The following SLC23A2 variants were observed in gnomAD, a reference collection of about 807,000 sequenced individuals.
SLC23A2 encodes the protein solute carrier family 23 member 2, also known as Na(+)/L-ascorbic acid transporter 2.
In SLC23A2, 36 loss-of-function variants were observed where a neutral mutation model predicts 73.3. That is an observed-to-expected ratio of 0.49 (90% CI 0.38 to 0.65). SLC23A2 has a LOEUF of 0.65. SLC23A2 is among the 30% of genes least tolerant of loss of function. The pLI, the probability that SLC23A2 is intolerant of heterozygous loss-of-function variation, is 0.00. For missense variants in SLC23A2, 507 were observed against 841.6 expected (o/e 0.60, Z 4.92); for synonymous variants, 343 against 327.3 (o/e 1.05, Z -0.52).
intron 7 of SLC23A2, 50 bp from the exon 8 acceptor site, chr20:4,884,873 T>A: frequency 1.9e-6 from 2 of 1,032,174 alleles, no homozygotes; most frequent in Non-Finnish European, 2.9e-6. Context: ...ATGTCTCACA[T>A]GACATATTCA....
chr20:5,003,815 G>A (rs903495595), upstream of SLC23A2, among the ~76,000 whole-genome samples: 1 of 152,024 alleles, frequency 6.6e-6, no homozygotes, highest in African/African-American at 2.4e-5. Flanking sequence ...TGTTTTATCA[G>A]ATGTCATCTG....
chr20:4,914,864 AC>A (rs1932270025), intron 3 of SLC23A2, among the ~76,000 whole-genome samples: 1 of 152,128 alleles, frequency 6.6e-6, no homozygotes, highest in Non-Finnish European at 1.5e-5. Context: ...ACACAGTGAA[AC>A]CCCGTCTCTA....
chr20:4,926,153 T>G (rs1207950463), intron 3 of SLC23A2, among the ~76,000 whole-genome samples: 1 of 152,182 alleles, frequency 6.6e-6, no homozygotes, highest in African/African-American at 2.4e-5. Flanking sequence ...TTTCTCCCAC[T>G]CTCTGGTAAG....
rs1484015026 is a variant in SLC23A2 at position 4,961,348 on chromosome 20, C to G, written c.-155+9445G>C. On this transcript the variant is annotated intron_variant, in intron 2 of 16. Coordinates refer to ENST00000338244, the MANE Select transcript of SLC23A2 (RefSeq NM_005116.6). Reference sequence around the variant, plus strand: ...CCGCCCACCTTGGCCTCCCAAAGTGCTGGGATTACAGGCGTGAGCCACCAC... The same window carrying G: ...CCGCCCACCTTGGCCTCCCAAAGTGGTGGGATTACAGGCGTGAGCCACCAC... 2.6e-5 allele frequency among the ~76,000 whole-genome samples: 4 copies of G among 152,006 alleles called. No individual in the cohort carries two copies. In the East Asian group the frequency reaches 7.7e-4, roughly 29 times the overall value.
intron 9 of SLC23A2, among the ~76,000 whole-genome samples, chr20:4,882,458 G>GA (rs11462307): frequency 0.26 from 39,046 of 147,552 alleles, 5,201 homozygotes; most frequent in Middle Eastern, 0.31. Flanking sequence ...CTTGTTTAAA[G>GA]AAAAAAAAAA....
intron 1 of SLC23A2, among the ~76,000 whole-genome samples, chr20:5,008,394 A>G (rs917834729): frequency 1.3e-5 from 2 of 152,118 alleles, no homozygotes; most frequent in South Asian, 2.1e-4. Context: ...ACACAAAAGC[A>G]CACTGGTGGG....
At chr20:4,939,738 G>A (rs1168203227) in intron 2 of SLC23A2, among the ~76,000 whole-genome samples, 5 of 152,142 alleles carry the variant, frequency 3.3e-5, no homozygotes, top group South Asian at 2.1e-4. Flanking sequence ...GCCCATGCCT[G>A]ACAATAATAG....
At chr20:5,001,945 A>T (rs1193608266), upstream of SLC23A2, among the ~76,000 whole-genome samples, 1 of 151,934 alleles carries the variant, frequency 6.6e-6, no homozygotes, top group Non-Finnish European at 1.5e-5. Flanking sequence ...CCGCTTCTCC[A>T]CTTAGGTAGC....
intron 13 of SLC23A2, among the ~76,000 whole-genome samples, chr20:4,864,051 G>T (rs1316788466): frequency 2.0e-5 from 3 of 152,144 alleles, no homozygotes; most frequent in Non-Finnish European, 4.4e-5. Flanking sequence ...GGTGGTGCTG[G>T]CATCAGGCTC....
At chr20:4,925,230 T>A (rs925055360) in intron 3 of SLC23A2, among the ~76,000 whole-genome samples, 1 of 151,986 alleles carries the variant, frequency 6.6e-6, no homozygotes, top group African/African-American at 2.4e-5. Flanking sequence ...GTCTGTCTGT[T>A]CATTGCTGTT....
chr20:4,896,773 G>A (rs535172403), intron 6 of SLC23A2, among the ~76,000 whole-genome samples: 20 of 152,284 alleles, frequency 1.3e-4, no homozygotes, highest in Middle Eastern at 6.8e-3. Context: ...ACCAAGTAAC[G>A]TCCTTCAAGG....
intron 2 of SLC23A2, among the ~76,000 whole-genome samples, chr20:4,949,988 T>A (rs922895397): frequency 6.6e-6 from 1 of 152,204 alleles, no homozygotes; most frequent in Admixed American, 6.5e-5. Context: ...AATTTCAGCT[T>A]TTATAACCCA....
At chr20:4,975,105 C>A (rs1391449367) in intron 1 of SLC23A2, among the ~76,000 whole-genome samples, 1 of 151,916 alleles carries the variant, frequency 6.6e-6, no homozygotes, top group Non-Finnish European at 1.5e-5. Context: ...TTTTTGAAAA[C>A]CTGAACAAGT....
intron 3 of SLC23A2, among the ~76,000 whole-genome samples, chr20:4,928,244 T>C (rs1932736052): frequency 1.3e-5 from 2 of 152,280 alleles, no homozygotes; most frequent in South Asian, 4.1e-4. Flanking sequence ...TCTCGCTATG[T>C]TGCCATGGCT....
chr20:4,901,496 C>T (rs537025183), intron 5 of SLC23A2, among the ~76,000 whole-genome samples: 5 of 152,316 alleles, frequency 3.3e-5, no homozygotes, highest in African/African-American at 9.6e-5. Flanking sequence ...ACGTTGTCCC[C>T]TTTCTCCAAA....
rs536122449 is a variant in SLC23A2, at chr20:4,976,527, T to G, written c.-281-5608A>C. On this transcript the variant is annotated intron_variant, in intron 1 of 16. Transcript: ENST00000338244. ...CCCATCACTACTAAAAATACAAAAA[T>G]TAGCTGGGCGTGGTGGCATGCACCT... 3.3e-5 allele frequency among the ~76,000 whole-genome samples: 5 copies of G among 151,626 alleles called. No homozygotes were observed. The East Asian group carries it at 9.8e-4, about 30-fold the overall frequency.
chr20:4,968,155 G>A (rs1005293783), intron 2 of SLC23A2, among the ~76,000 whole-genome samples: 4 of 152,176 alleles, frequency 2.6e-5, no homozygotes, highest in African/African-American at 9.7e-5. Context: ...TACAACCATA[G>A]AGCTGGGCAG....
intron 2 of SLC23A2, among the ~76,000 whole-genome samples, chr20:4,960,454 T>A (rs1351819297): frequency 6.6e-6 from 1 of 152,210 alleles, no homozygotes; most frequent in Non-Finnish European, 1.5e-5. Context: ...ATTCTGTTCA[T>A]TATGCTATGT....
intron 2 of SLC23A2, among the ~76,000 whole-genome samples, chr20:4,943,498 T>C (rs1237097430): frequency 1.4e-5 from 2 of 142,972 alleles, no homozygotes; most frequent in African/African-American, 5.9e-5. Context: ...CGAAACCCCA[T>C]TTCTACCAAA....
Sources: allele counts gnomAD v4.1 joint callset (sites outside exome capture counted in the v4.1 genomes callset), GRCh38; gene constraint gnomAD v4.1.1; transcripts MANE v1.5; gene names NCBI Gene and HGNC (gene_info 2026-07-23, HGNC 2026-07-21).